Variants in NELL1 observed in about 807,000 individuals in gnomAD.
NELL1 encodes the protein protein kinase C-binding protein NELL1.
Under a neutral mutation model 107.4 loss-of-function variants are expected in NELL1, and 76 were observed. That is an observed-to-expected ratio of 0.71 (90% confidence interval 0.59 to 0.86). NELL1 has a LOEUF of 0.86. Among genes scored for constraint, NELL1 ranks in the 40% least tolerant of loss-of-function variants. The pLI is 0.00. For synonymous variants in NELL1, 353 were observed against 341.2 expected (o/e 1.03, Z -0.38); for missense variants, 1,024 against 1,005.5 (o/e 1.02, Z -0.25).
chr11:20,717,803 TAATA>T (rs1038991107), intron 2 of NELL1, among the ~76,000 whole-genome samples: 7 of 152,154 alleles, frequency 4.6e-5, no homozygotes, highest in African/African-American at 1.7e-4. Context: ...CCCCAGTAAA[TAATA>T]AATAACTCCA....
At chr11:20,982,317 A>T (rs1431867779) in intron 12 of NELL1, among the ~76,000 whole-genome samples, 2 of 152,124 alleles carry the variant, frequency 1.3e-5, no homozygotes, top group Non-Finnish European at 2.9e-5. Flanking sequence ...AAGTGAGGGG[A>T]TAGTTTATGG....
At chr11:21,488,945 T>G (rs550648932) in intron 15 of NELL1, among the ~76,000 whole-genome samples, 1 of 151,486 alleles carries the variant, frequency 6.6e-6, no homozygotes, top group South Asian at 2.1e-4. Context: ...ATAATAAAGA[T>G]CAGAGAAGAA....
intron 9 of NELL1, among the ~76,000 whole-genome samples, chr11:20,928,699 C>T (rs1034187181): frequency 6.6e-6 from 1 of 151,940 alleles, no homozygotes; most frequent in African/African-American, 2.4e-5. Flanking sequence ...CCTCACATCA[C>T]CTGTAATTAC....
intron 15 of NELL1, among the ~76,000 whole-genome samples, chr11:21,436,432 T>C (rs1853122629): frequency 6.6e-6 from 1 of 152,200 alleles, no homozygotes; most frequent in Non-Finnish European, 1.5e-5. Flanking sequence ...TGTTGGCATA[T>C]AGGTGTTCCT....
intron 14 of NELL1, among the ~76,000 whole-genome samples, chr11:21,354,221 T>C (rs1205966412): frequency 6.6e-6 from 1 of 152,104 alleles, no homozygotes; most frequent in East Asian, 1.9e-4. Flanking sequence ...TCTCTGCATG[T>C]GTTAAGTATT....
At chr11:21,032,640 A>T (rs764256501) in intron 12 of NELL1, among the ~76,000 whole-genome samples, 1 of 152,102 alleles carries the variant, frequency 6.6e-6, no homozygotes, top group Admixed American at 6.5e-5. Flanking sequence ...CACCCGCCCC[A>T]GCCTCTCAAA....
intron 2 of NELL1, among the ~76,000 whole-genome samples, chr11:20,746,154 C>T (rs2133939395): frequency 6.6e-6 from 1 of 152,286 alleles, no homozygotes; most frequent in East Asian, 1.9e-4. Context: ...GTCACCTGGA[C>T]TGTGGTTGCA....
chr11:20,835,781 A>C (rs1590337174), intron 3 of NELL1, among the ~76,000 whole-genome samples: 1 of 152,328 alleles, frequency 6.6e-6, no homozygotes, highest in East Asian at 1.9e-4. Context: ...ATTAACTCAA[A>C]ATAGATTATG....
intron 15 of NELL1, among the ~76,000 whole-genome samples, chr11:21,488,810 C>T (rs1341484664): frequency 6.6e-6 from 1 of 151,560 alleles, no homozygotes; most frequent in Non-Finnish European, 1.5e-5. Context: ...AATTATATAG[C>T]AATAAATGCC....
intron 13 of NELL1, among the ~76,000 whole-genome samples, chr11:21,151,649 A>G (rs967410910): frequency 6.6e-6 from 1 of 152,206 alleles, no homozygotes; most frequent in Non-Finnish European, 1.5e-5. Context: ...TAAATGGGAT[A>G]ATGCATATAA....
At chr11:21,216,709 C>T (rs374953151) in intron 13 of NELL1, among the ~76,000 whole-genome samples, 12 of 152,214 alleles carry the variant, frequency 7.9e-5, no homozygotes, top group Admixed American at 2.6e-4. Flanking sequence ...ATTTGGAGCA[C>T]GTATATTTGC....
intron 13 of NELL1, among the ~76,000 whole-genome samples, chr11:21,199,805 C>T (rs1857228590): frequency 6.7e-6 from 1 of 149,294 alleles, no homozygotes; most frequent in African/African-American, 2.5e-5. Flanking sequence ...CAGCCCCCCA[C>T]CCCCCAATAG....
intron 3 of NELL1, among the ~76,000 whole-genome samples, chr11:20,827,562 G>T (rs1338690251): frequency 6.6e-6 from 1 of 151,170 alleles, no homozygotes; most frequent in African/African-American, 2.4e-5. Context: ...GGTATTCCAG[G>T]TGTTTCTGAG....
chr11:21,535,484 C>T (rs1856112951), intron 16 of NELL1, among the ~76,000 whole-genome samples: 1 of 152,078 alleles, frequency 6.6e-6, no homozygotes, highest in South Asian at 2.1e-4. Context: ...TTCAACTTCT[C>T]CACTGATGTT....
chr11:20,759,517 T>C (rs1049409953), intron 2 of NELL1, among the ~76,000 whole-genome samples: 5 of 152,244 alleles, frequency 3.3e-5, no homozygotes, highest in African/African-American at 1.2e-4. Context: ...TGTCCAAGCA[T>C]AACCTCTCGT....
At chr11:21,216,596 G>A (rs1021410706) in intron 13 of NELL1, among the ~76,000 whole-genome samples, 1 of 152,214 alleles carries the variant, frequency 6.6e-6, no homozygotes, top group African/African-American at 2.4e-5. Context: ...GAGACATGGA[G>A]TCAAGGGACA....
At chr11:21,367,834 G>A (rs1464584189) in intron 14 of NELL1, among the ~76,000 whole-genome samples, 1 of 152,008 alleles carries the variant, frequency 6.6e-6, no homozygotes, top group Non-Finnish European at 1.5e-5. Flanking sequence ...ATTTCTGCCA[G>A]CCCATCTCCT....
intron 13 of NELL1, among the ~76,000 whole-genome samples, chr11:21,193,887 T>A (rs1353162396): frequency 2.0e-5 from 3 of 151,924 alleles, no homozygotes; most frequent in Non-Finnish European, 4.4e-5. Context: ...TGTTTACACT[T>A]GAAATTCTTA....
chr11:21,020,934 T>G (rs1428686303), intron 12 of NELL1, among the ~76,000 whole-genome samples: 1 of 151,468 alleles, frequency 6.6e-6, no homozygotes, highest in African/African-American at 2.4e-5. Context: ...TTGTTTGAAC[T>G]GGTTCACTCT....
Sources: allele counts gnomAD v4.1 joint callset (sites outside exome capture counted in the v4.1 genomes callset), GRCh38; gene constraint gnomAD v4.1.1; transcripts MANE v1.5; gene names NCBI Gene and HGNC (gene_info 2026-07-23, HGNC 2026-07-21).